PDE4D: variants seen among roughly 807,000 people sequenced by gnomAD.
The protein encoded by PDE4D is phosphodiesterase 4D.
A neutral mutation model predicts 87.4 loss-of-function variants in PDE4D; 24 were observed. The observed-to-expected ratio is 0.27, with a 90% confidence interval of 0.20 to 0.39. PDE4D has a LOEUF of 0.39. Ranked by LOEUF, PDE4D falls within the 10% of genes least tolerant of loss-of-function variation. The pLI is 1.00. For synonymous variants in PDE4D, 384 were observed against 383.2 expected, an observed-to-expected ratio of 1.00 and a Z score of -0.02; for missense variants, 714 against 1,041.0, an observed-to-expected ratio of 0.69 and a Z score of 4.32.
intron 1 of PDE4D, among the ~76,000 whole-genome samples, chr5:59,629,929 C>T (rs1831355323): frequency 6.6e-6 from 1 of 152,030 alleles, no homozygotes; most frequent in African/African-American, 2.4e-5. Context: ...TCTTTTACTA[C>T]CTTGACTTAT....
At chr5:60,233,704 T>C (rs1401618638) in intron 1 of PDE4D, among the ~76,000 whole-genome samples, 3 of 151,852 alleles carry the variant, frequency 2.0e-5, no homozygotes, top group Non-Finnish European at 4.4e-5. Context: ...GTGCTTATGT[T>C]GTGCCACATA....
At chr5:59,614,651 TA>T (rs1483660300) in intron 1 of PDE4D, among the ~76,000 whole-genome samples, 9 of 152,334 alleles carry the variant, frequency 5.9e-5, no homozygotes, top group Non-Finnish European at 1.2e-4. Flanking sequence ...TAAAGCATTT[TA>T]AAAACTATAG....
At chr5:59,029,373 C>T (rs1481064220) in intron 6 of PDE4D, among the ~76,000 whole-genome samples, 23 of 142,868 alleles carry the variant, frequency 1.6e-4, no homozygotes, top group African/African-American at 2.3e-4. Context: ...GCCGAGATCG[C>T]GCCACTGCAC....
chr5:59,583,369 A>AT (rs1561263430), intron 1 of PDE4D, among the ~76,000 whole-genome samples: 2 of 152,122 alleles, frequency 1.3e-5, no homozygotes, highest in Non-Finnish European at 2.9e-5. Context: ...ACCATGCCAT[A>AT]CTTGTTCCTG....
intron 1 of PDE4D, among the ~76,000 whole-genome samples, chr5:59,340,585 GCAAT>G (rs896686800): frequency 1.1e-4 from 17 of 151,954 alleles, no homozygotes; most frequent in African/African-American, 4.1e-4. Flanking sequence ...TATTGTGACT[GCAAT>G]CAGTCTTTTG....
At chr5:59,535,000 T>G (rs563502248) in intron 1 of PDE4D, among the ~76,000 whole-genome samples, 42 of 150,646 alleles carry the variant, frequency 2.8e-4, no homozygotes, top group African/African-American at 9.9e-4. Context: ...ATGATGCTTA[T>G]TCTGCATTAC....
intron 1 of PDE4D, among the ~76,000 whole-genome samples, chr5:59,545,753 AT>A (rs1817162304): frequency 6.6e-6 from 1 of 152,208 alleles, no homozygotes; most frequent in African/African-American, 2.4e-5. Context: ...TACTGTAAAA[AT>A]TCACAATATA....
intron 3 of PDE4D, among the ~76,000 whole-genome samples, chr5:59,958,828 G>A (rs999689830): frequency 3.3e-5 from 5 of 152,174 alleles, no homozygotes; most frequent in Non-Finnish European, 5.9e-5. Context: ...ACATAGTAAC[G>A]GAAGTCCTAG....
intron 3 of PDE4D, among the ~76,000 whole-genome samples, chr5:59,958,581 T>C (rs1759122238): frequency 6.6e-6 from 1 of 152,102 alleles, no homozygotes; most frequent in Non-Finnish European, 1.5e-5. Flanking sequence ...AGCAGAATTA[T>C]AAACAAAAAC....
chr5:60,039,270 T>C (rs892201737), intron 2 of PDE4D, among the ~76,000 whole-genome samples: 1 of 151,946 alleles, frequency 6.6e-6, no homozygotes, highest in East Asian at 1.9e-4. Flanking sequence ...AAAAAATGAG[T>C]TCATGTCCTT....
At chr5:59,289,604 G>A (rs1767630187) in intron 1 of PDE4D, among the ~76,000 whole-genome samples, 1 of 151,920 alleles carries the variant, frequency 6.6e-6, no homozygotes, top group South Asian at 2.1e-4. Context: ...TATAACTGAA[G>A]ACTCTTCTTC....
intron 2 of PDE4D, among the ~76,000 whole-genome samples, chr5:60,140,580 C>T (rs551745092): frequency 1.3e-5 from 2 of 149,128 alleles, no homozygotes; most frequent in African/African-American, 4.9e-5. Context: ...AAATTGTATC[C>T]ACCAAGAATA....
chr5:59,002,606 C>CT (rs1372241217), intron 6 of PDE4D, among the ~76,000 whole-genome samples: 2 of 152,120 alleles, frequency 1.3e-5, no homozygotes, highest in African/African-American at 4.8e-5. Context: ...GCACACATGC[C>CT]TGGCCAGTCT....
intron 3 of PDE4D, among the ~76,000 whole-genome samples, chr5:59,972,633 A>T (rs544294141): frequency 6.6e-6 from 1 of 152,334 alleles, no homozygotes; most frequent in Admixed American, 6.5e-5. Flanking sequence ...TGCTCCAGGA[A>T]ATGTTTGCTT....
intron 1 of PDE4D, among the ~76,000 whole-genome samples, chr5:59,520,658 C>A (rs559958480): frequency 4.0e-5 from 6 of 151,762 alleles, no homozygotes; most frequent in Non-Finnish European, 7.4e-5. Flanking sequence ...TTTCATGGAA[C>A]CTTTATTAAA....
At chr5:59,999,547 C>A (rs62371507) in intron 2 of PDE4D, among the ~76,000 whole-genome samples, 93,128 of 123,472 alleles carry the variant, frequency 0.75, 33,295 homozygotes, top group East Asian at 0.97. Context: ...AAAAACAAAA[C>A]AAAACTGGAG....
At chr5:59,887,848 T>C (rs1750392612) in intron 1 of PDE4D, among the ~76,000 whole-genome samples, 1 of 152,214 alleles carries the variant, frequency 6.6e-6, no homozygotes, top group African/African-American at 2.4e-5. Context: ...TATTCACAAA[T>C]GTTTTTTAAA....
chr5:60,471,676 C>T (rs1335803364), intron 1 of PDE4D, among the ~76,000 whole-genome samples: 1 of 152,194 alleles, frequency 6.6e-6, no homozygotes, highest in African/African-American at 2.4e-5. Flanking sequence ...CAACTTGCTG[C>T]AGGCTCAGTG....
At chr5:59,438,179 G>C (rs1428021358) in intron 1 of PDE4D, among the ~76,000 whole-genome samples, 1 of 152,144 alleles carries the variant, frequency 6.6e-6, no homozygotes, top group Non-Finnish European at 1.5e-5. Context: ...AATTCAATGG[G>C]AACTAGGATT....
Sources: gnomAD v4.1 joint callset for allele counts (sites outside exome capture counted in the v4.1 genomes callset) on GRCh38, gnomAD v4.1.1 for gene constraint, MANE v1.5 for transcripts, NCBI Gene and HGNC (gene_info 2026-07-23, HGNC 2026-07-21) for gene names.